Variants in PLEKHH2 observed in about 807,000 individuals in gnomAD.
PLEKHH2 encodes the protein pleckstrin homology domain-containing family H member 2.
A neutral mutation model predicts 187.9 loss-of-function variants in PLEKHH2; 129 were observed. The ratio of observed to expected loss-of-function variants is 0.69; its 90% CI spans 0.59 to 0.79. PLEKHH2 has a LOEUF of 0.79. PLEKHH2 is among the 30% of genes least tolerant of loss of function. PLEKHH2 has a pLI of 0.00. For missense variants in PLEKHH2, 2,076 were observed against 1,751.2 expected, an observed-to-expected ratio of 1.19 and a Z score of -3.31; for synonymous variants, 686 against 605.6, an observed-to-expected ratio of 1.13 and a Z score of -1.95.
rs750011975 is a variant in PLEKHH2, at chr2:43,644,736, G to A, written c.63G>A (p.Glu21=). ...GGAAGGAACGATGTGTAGCTCTGGA[G>A]TCCCAACTCATGAAATTTAGAGTTC... ...VDWKERCVAL[E]SQLMKFRVQA... is the part of the protein sequence containing the mutation. The change falls in exon 2 of 30, where the codon GAG becomes GAA. Residue 21 remains glutamate, a synonymous_variant. Transcript: ENST00000282406. 9.3e-6 allele frequency: 15 copies of A among 1,609,850 alleles called. No homozygotes were observed. The highest frequency in any genetic ancestry group is 1.3e-5 in the Non-Finnish European group (15 of 1,177,048).
intron 19 of PLEKHH2, among the ~76,000 whole-genome samples, chr2:43,734,661 A>G (rs1671204378): frequency 6.6e-6 from 1 of 152,246 alleles, no homozygotes; most frequent in Non-Finnish European, 1.5e-5. Flanking sequence ...GGGAATGTAA[A>G]TTAGTACAGC....
chr2:43,668,931 TG>T (rs1667361945), intron 2 of PLEKHH2, among the ~76,000 whole-genome samples: 1 of 151,880 alleles, frequency 6.6e-6, no homozygotes. Flanking sequence ...TGCACAAAGG[TG>T]GGGGAAGGGA....
chr2:43,704,155 T>C (rs1669532462), intron 9 of PLEKHH2, 99 bp downstream of exon 9: 2 of 791,010 alleles, frequency 2.5e-6, no homozygotes, highest in South Asian at 2.0e-5. Context: ...AAAAGACAAA[T>C]ACTGTATGAT....
chr2:43,706,951 A>C (rs1478720123), intron 10 of PLEKHH2, among the ~76,000 whole-genome samples: 3 of 152,156 alleles, frequency 2.0e-5, no homozygotes, highest in South Asian at 2.1e-4. Context: ...TAATCCCAGC[A>C]CTTTGGGAGG....
At chr2:43,727,156 G>A (rs949925499) in intron 17 of PLEKHH2, among the ~76,000 whole-genome samples, 1 of 152,198 alleles carries the variant, frequency 6.6e-6, no homozygotes, top group Non-Finnish European at 1.5e-5. Context: ...ACTCACGTCT[G>A]TAATCCCAGC....
In PLEKHH2 at chr2:43,750,370, G is replaced by C. The variant is rs151201456; in HGVS notation, c.3654-3249G>C. On this transcript the variant is annotated intron_variant, in intron 24 of 29. Transcript: ENST00000282406. ...GCCTGTAGTCCCGGCTACATGGGAG[G>C]CTGGGGCAGGAGAATCGCATGAACC... Among the ~76,000 whole-genome samples the C allele has an allele frequency of 5.6e-3, 850 of 152,236 alleles. 16 individuals carry two copies. The highest frequency in any genetic ancestry group is 0.019 in the African/African-American group (802 of 41,546).
chr2:43,674,929 G>A (rs898500873), intron 2 of PLEKHH2, among the ~76,000 whole-genome samples: 1 of 151,428 alleles, frequency 6.6e-6, no homozygotes, highest in Non-Finnish European at 1.5e-5. Context: ...AGGTTGCAGT[G>A]AGCCGAAATT....
At chr2:43,684,856 C>T (rs1165179893) in intron 3 of PLEKHH2, among the ~76,000 whole-genome samples, 1 of 150,816 alleles carries the variant, frequency 6.6e-6, no homozygotes, top group Admixed American at 6.6e-5. Context: ...TTACAAATCT[C>T]TCAGAGTTTC....
At chr2:43,729,502 C>G in intron 17 of PLEKHH2, 135 bp from the exon 18 acceptor site, 1 of 533,722 alleles carries the variant, frequency 1.9e-6, no homozygotes, top group Non-Finnish European at 3.2e-6. Context: ...GAATAAATGG[C>G]TTTTCATTAT....
chr2:43,704,662 T>TA (rs70965318), intron 9 of PLEKHH2, among the ~76,000 whole-genome samples: 21,345 of 83,968 alleles, frequency 0.25, 3,157 homozygotes, highest in Middle Eastern at 0.41. Flanking sequence ...GATTCTGTCT[T>TA]AAAAAAAAAA....
intron 27 of PLEKHH2, among the ~76,000 whole-genome samples, chr2:43,761,662 C>T (rs917722679): frequency 2.0e-5 from 3 of 152,072 alleles, no homozygotes; most frequent in Non-Finnish European, 2.9e-5. Context: ...CCACCCACCT[C>T]GGCTTCCCAA....
chr2:43,653,612 TG>T (rs2104356054), intron 2 of PLEKHH2, among the ~76,000 whole-genome samples: 1 of 152,244 alleles, frequency 6.6e-6, no homozygotes, highest in Non-Finnish European at 1.5e-5. Flanking sequence ...GGGAGAAAGT[TG>T]AGGGGTCTCC....
At chr2:43,752,995 C>G (rs1490315235) in intron 24 of PLEKHH2, among the ~76,000 whole-genome samples, 2 of 152,226 alleles carry the variant, frequency 1.3e-5, no homozygotes, top group East Asian at 3.8e-4. Flanking sequence ...CCTTCTCCCC[C>G]TCCCCTTATT....
chr2:43,715,182 A>G (rs1572607979), intron 15 of PLEKHH2, among the ~76,000 whole-genome samples: 4 of 152,242 alleles, frequency 2.6e-5, no homozygotes, highest in South Asian at 4.1e-4. Context: ...AGGCTGAGGC[A>G]GGAGAATCGC....
At chr2:43,673,016 TAC>T (rs1454295463) in intron 2 of PLEKHH2, among the ~76,000 whole-genome samples, 1 of 152,222 alleles carries the variant, frequency 6.6e-6, no homozygotes, top group Non-Finnish European at 1.5e-5. Context: ...ATATATAATT[TAC>T]ACTTATTTTT....
intron 3 of PLEKHH2, chr2:43,681,737 C>A (rs1020288284): frequency 6.2e-6 from 3 of 483,496 alleles, no homozygotes; most frequent in Non-Finnish European, 1.1e-5. Context: ...GCCCCAGACA[C>A]CCCATTCAGT....
rs1401035132 is a variant in PLEKHH2, at chr2:43,700,418, C to G, written c.1460C>G (p.Thr487Ser). 6.2e-7 allele frequency: 1 copy of G among 1,614,070 alleles called. No individual in the cohort carries two copies. Residue 487 changes from threonine to serine, a missense_variant, in exon 8 of 30, where the codon ACT (threonine) becomes AGT (serine). By Grantham distance (58) the Thr-to-Ser change is moderately conservative. Coordinates refer to ENST00000282406, the MANE Select transcript of PLEKHH2 (RefSeq NM_172069.4). ...SMIRPLRPQETDLDLVDGDST... is the reference protein window; with the variant it reads ...SMIRPLRPQESDLDLVDGDST... ...ATACGACCACTGAGACCTCAGGAAA[C>G]TGATCTTGATCTAGTTGATGGAGAC...
At chr2:43,733,994 G>A (rs1041570943) in intron 19 of PLEKHH2, among the ~76,000 whole-genome samples, 2 of 152,116 alleles carry the variant, frequency 1.3e-5, no homozygotes, top group Non-Finnish European at 2.9e-5. Flanking sequence ...AATCTAAACA[G>A]AGGAGTTTAC....
intron 14 of PLEKHH2, chr2:43,711,133 C>T (rs551943148): frequency 1.0e-6 from 1 of 985,778 alleles, no homozygotes; most frequent in Non-Finnish European, 1.2e-6. Context: ...AAATTTAAAA[C>T]ACAGGCTGTT....
Sources: gnomAD v4.1 joint callset for allele counts (sites outside exome capture counted in the v4.1 genomes callset) on GRCh38, gnomAD v4.1.1 for gene constraint, MANE v1.5 for transcripts, NCBI Gene and HGNC (gene_info 2026-07-23, HGNC 2026-07-21) for gene names.